The following MAML2 variants were observed in gnomAD, a reference collection of about 807,000 sequenced individuals.
MAML2 encodes mastermind-like protein 2.
In MAML2, 22 loss-of-function variants were observed where a neutral mutation model predicts 96.1. The ratio of observed to expected loss-of-function variants is 0.23; its 90% CI spans 0.16 to 0.33. The LOEUF is 0.33. MAML2 is among the 10% of genes least tolerant of loss of function. The pLI is 1.00. For missense variants in MAML2, 1,367 were observed against 1,392.4 expected, an observed-to-expected ratio of 0.98 and a Z score of 0.29; for synonymous variants, 561 against 521.3, an observed-to-expected ratio of 1.08 and a Z score of -1.04.
intron 1 of MAML2, among the ~76,000 whole-genome samples, chr11:96,177,918 GT>G (rs1861412838): frequency 1.6e-5 from 1 of 64,430 alleles, no homozygotes; most frequent in South Asian, 4.9e-4. Flanking sequence ...GACCTTAGTT[GT>G]GTGTGTGTGT....
In MAML2 at chr11:96,092,948, T is replaced by G. The variant is rs1393718863; in HGVS notation, c.1083A>C (p.Lys361Asn). 1 of 1,612,662 alleles carries G rather than the reference T, an allele frequency of 6.2e-7. No individual in the cohort carries two copies. The highest frequency in any genetic ancestry group is 1.1e-5 in the South Asian group (1 of 90,870). Residue 361 changes from lysine (K) to asparagine (N), a missense_variant, in exon 2 of 5, where the codon AAA (lysine) becomes AAC (asparagine). By Grantham distance (94) the Lys-to-Asn change is moderately conservative. Transcript: ENST00000524717. The surrounding 1 kb of genome is among the most constrained non-coding windows in gnomAD (Gnocchi z 4.1). ...GTGAGTATTCACTTTTGATCACTATTTTCTCCATGGGTAAGGAGGGCCTAG... is the reference window on the plus strand; with the variant it reads ...GTGAGTATTCACTTTTGATCACTATGTTCTCCATGGGTAAGGAGGGCCTAG... Reference protein sequence around the residue: ...STPRPSLPMEKIVIKSEYSPG... With the variant: ...STPRPSLPMENIVIKSEYSPG...
intron 2 of MAML2, among the ~76,000 whole-genome samples, chr11:96,010,615 A>C (rs1418972279): frequency 1.3e-5 from 2 of 152,228 alleles, no homozygotes; most frequent in Non-Finnish European, 2.9e-5. Flanking sequence ...CGAATGAAAA[A>C]AGAGAGAACA....
chr11:95,991,750 A>C, intron 2 of MAML2, 27 bp from the exon 3 acceptor site: 1 of 1,582,990 alleles, frequency 6.3e-7, no homozygotes, highest in South Asian at 1.1e-5. Context: ...GGGAAGGAAA[A>C]GCTACTGTGA....
At chr11:96,064,259 T>C (rs1859211592) in intron 2 of MAML2, among the ~76,000 whole-genome samples, 1 of 152,220 alleles carries the variant, frequency 6.6e-6, no homozygotes, top group East Asian at 1.9e-4. Context: ...GGATGGATCA[T>C]CTGTGTTCCT....
At chr11:96,072,339 G>A (rs777841184) in intron 2 of MAML2, among the ~76,000 whole-genome samples, 3 of 152,110 alleles carry the variant, frequency 2.0e-5, no homozygotes, top group Admixed American at 6.5e-5. Context: ...GCTAATACTC[G>A]AATTCTAGAG....
chr11:96,131,790 A>G (rs1026625184), intron 1 of MAML2, among the ~76,000 whole-genome samples: 1 of 152,134 alleles, frequency 6.6e-6, no homozygotes, highest in Non-Finnish European at 1.5e-5. Flanking sequence ...CAAGTGGATA[A>G]CTTGAGGTCA....
rs989686053 is a variant in MAML2 at position 96,342,254 on chromosome 11, G to C, written c.-359C>G. The C allele has an allele frequency of 2.3e-6, 1 of 439,644 alleles. No homozygotes were observed. The highest frequency in any genetic ancestry group is 4.0e-6 in the Non-Finnish European group (1 of 249,314). The allele number at this position is 439,644 out of a possible 1,614,324, so 27.2% of individuals were successfully genotyped here. A position where few individuals can be genotyped will look rare whatever the true frequency, so the allele number is the denominator to read the frequency against. The stretch of plus-strand genomic sequence containing the variant: ...GGTACTTTGTAAACACACGATCTGG[G>C]GGTTAGATCAAGAATTCAGGGATTG... On this transcript the variant is annotated 5_prime_UTR_variant, in exon 1 of 5. Transcript: ENST00000524717.
intron 1 of MAML2, among the ~76,000 whole-genome samples, chr11:96,322,899 A>G (rs1565283936): frequency 6.6e-6 from 1 of 152,160 alleles, no homozygotes; most frequent in Non-Finnish European, 1.5e-5. Flanking sequence ...CAGTGTGCCT[A>G]GTATTAGTGG....
chr11:96,074,042 AT>A (rs58344106), intron 2 of MAML2, among the ~76,000 whole-genome samples: 2,257 of 152,210 alleles, frequency 0.015, 69 homozygotes, highest in African/African-American at 0.052. Context: ...GCTAAAAAAT[AT>A]TTTTTTTCAT....
chr11:96,224,923 A>T (rs1443136258), intron 1 of MAML2, among the ~76,000 whole-genome samples: 2 of 152,242 alleles, frequency 1.3e-5, no homozygotes, highest in African/African-American at 4.8e-5. Context: ...TTATACTTTA[A>T]GACAGTTAGC....
At chr11:96,246,944 CT>C (rs1361606792) in intron 1 of MAML2, among the ~76,000 whole-genome samples, 2 of 152,096 alleles carry the variant, frequency 1.3e-5, no homozygotes, top group African/African-American at 4.8e-5. Context: ...ATAATTCATA[CT>C]CCAGTTGCCT....
intron 1 of MAML2, among the ~76,000 whole-genome samples, chr11:96,243,028 G>A (rs547796712): frequency 4.9e-4 from 73 of 150,474 alleles, no homozygotes; most frequent in Admixed American, 9.2e-4. Context: ...TGCTTCTCCA[G>A]TTCAGGGACA....
intron 1 of MAML2, among the ~76,000 whole-genome samples, chr11:96,141,235 G>A (rs1172157117): frequency 6.6e-6 from 1 of 151,832 alleles, no homozygotes; most frequent in Admixed American, 6.6e-5. Context: ...GAGACATACT[G>A]GAAAACAAAA....
At chr11:96,082,195 G>A (rs1449564621) in intron 2 of MAML2, among the ~76,000 whole-genome samples, 1 of 152,174 alleles carries the variant, frequency 6.6e-6, no homozygotes, top group African/African-American at 2.4e-5. Flanking sequence ...AAGGTAGAAA[G>A]CAATGAATGT....
intron 2 of MAML2, among the ~76,000 whole-genome samples, chr11:96,067,653 G>T (rs368339358): frequency 5.3e-5 from 8 of 151,912 alleles, no homozygotes; most frequent in African/African-American, 1.9e-4. Flanking sequence ...CATTAGAACT[G>T]CTGCAAAGAT....
intron 2 of MAML2, among the ~76,000 whole-genome samples, chr11:96,020,634 G>A (rs1419634202): frequency 6.6e-6 from 1 of 152,236 alleles, no homozygotes; most frequent in East Asian, 1.9e-4. Flanking sequence ...ACTGATGAGA[G>A]CTAGGTGACT....
At chr11:95,994,164 C>T (rs1857956243) in intron 2 of MAML2, among the ~76,000 whole-genome samples, 1 of 152,276 alleles carries the variant, frequency 6.6e-6, no homozygotes, top group East Asian at 1.9e-4. Context: ...TGAGCACCCT[C>T]AGGTCAGGAA....
chr11:96,341,308 T>G lies in MAML2; in HGVS notation c.513+75A>C, dbSNP rs988707190. The stretch of plus-strand genomic sequence containing the variant: ...TTTTTCATTGCCATCCACTCTACCT[T>G]AGGCCAAAGCAAACTCTACCCTCAC... On this transcript the variant is annotated intron_variant, in intron 1 of 4. Transcript: ENST00000524717. 6.2e-6 allele frequency: 9 copies of G among 1,447,482 alleles called. No homozygotes were observed. In the African/African-American group the frequency reaches 1.1e-4, roughly 18 times the overall value. The allele number at this position is 1,447,482 out of a possible 1,614,324, so 89.7% of individuals were successfully genotyped here.
intron 4 of MAML2, among the ~76,000 whole-genome samples, chr11:95,983,384 C>T (rs540814559): frequency 9.2e-5 from 14 of 152,174 alleles, no homozygotes; most frequent in Admixed American, 3.9e-4. Context: ...AATAGAATTG[C>T]GGTTTCTAGA....
Sources: gnomAD v4.1 joint callset for allele counts (sites outside exome capture counted in the v4.1 genomes callset) on GRCh38, gnomAD v4.1.1 for gene constraint, Gnocchi (gnomAD v3.1) non-coding constraint, MANE v1.5 for transcripts, NCBI Gene and HGNC (gene_info 2026-07-23, HGNC 2026-07-21) for gene names.